The following MTUS2 variants were observed in gnomAD, a reference collection of about 807,000 sequenced individuals.
MTUS2 encodes the protein microtubule-associated tumor suppressor candidate 2.
Under a neutral mutation model 114.1 loss-of-function variants are expected in MTUS2, and 40 were observed. The ratio of observed to expected loss-of-function variants is 0.35; its 90% CI spans 0.27 to 0.46. The LOEUF (loss-of-function observed/expected upper bound fraction) is 0.46. MTUS2 is among the 20% of genes least tolerant of loss of function. MTUS2 has a pLI of 1.00. For missense variants in MTUS2, 1,679 were observed against 1,705.4 expected (o/e 0.98, Z 0.27); for synonymous variants, 688 against 672.0 (o/e 1.02, Z -0.37).
chr13:29,307,224 T>C (rs577880310), intron 6 of MTUS2: 40 of 584,320 alleles, frequency 6.8e-5, no homozygotes, highest in Non-Finnish European at 1.2e-4. Flanking sequence ...TCATCAGCAA[T>C]GCCTCCTGCA....
At chr13:29,176,393 G>A (rs944282839) in intron 5 of MTUS2, among the ~76,000 whole-genome samples, 1 of 152,080 alleles carries the variant, frequency 6.6e-6, no homozygotes, top group Non-Finnish European at 1.5e-5. Flanking sequence ...TTATTGTCCC[G>A]GCACTCCCTA....
chr13:29,362,158 A>G (rs1870310372), intron 8 of MTUS2, among the ~76,000 whole-genome samples: 3 of 152,312 alleles, frequency 2.0e-5, no homozygotes, highest in South Asian at 4.1e-4. Context: ...TAATGTGCAA[A>G]GATGCTTTAT....
chr13:29,177,125 C>T (rs888022547), intron 5 of MTUS2, among the ~76,000 whole-genome samples: 8 of 151,042 alleles, frequency 5.3e-5, no homozygotes, highest in Non-Finnish European at 1.0e-4. Flanking sequence ...TGGAGGAGGA[C>T]ATGAGAAGTT....
chr13:29,388,671 A>T (rs1317609867), intron 8 of MTUS2, among the ~76,000 whole-genome samples: 1 of 151,706 alleles, frequency 6.6e-6, no homozygotes, highest in African/African-American at 2.4e-5. Flanking sequence ...TTTTAAAAAT[A>T]AAATTAAAAT....
At chr13:28,953,860 GA>G in intron 2 of MTUS2, among the ~76,000 whole-genome samples, 1 of 152,170 alleles carries the variant, frequency 6.6e-6, no homozygotes, top group African/African-American at 2.4e-5. Context: ...GTTCCAAATA[GA>G]CAGCCAAAGG....
chr13:29,037,814 A>G (rs995385139), intron 4 of MTUS2, among the ~76,000 whole-genome samples: 4 of 152,102 alleles, frequency 2.6e-5, no homozygotes, highest in African/African-American at 9.7e-5. Flanking sequence ...AGCTATTGAT[A>G]CTTGTGTATT....
intron 5 of MTUS2, among the ~76,000 whole-genome samples, chr13:29,268,924 G>A (rs569434108): frequency 6.6e-6 from 1 of 152,050 alleles, no homozygotes; most frequent in South Asian, 2.1e-4. Context: ...TAGAGACAGG[G>A]TCTCCCTATG....
At chr13:29,133,262 A>C (rs1891841806) in intron 5 of MTUS2, among the ~76,000 whole-genome samples, 1 of 151,990 alleles carries the variant, frequency 6.6e-6, no homozygotes, top group African/African-American at 2.4e-5. Flanking sequence ...CTGGATATTA[A>C]TCCCTTATCA....
chr13:29,253,207 C>T (rs931627739), intron 5 of MTUS2, among the ~76,000 whole-genome samples: 1 of 151,894 alleles, frequency 6.6e-6, no homozygotes, highest in East Asian at 1.9e-4. Flanking sequence ...AGGCAAATCA[C>T]TTGAGATCAG....
At chr13:29,117,510 G>C (rs1891138395) in intron 5 of MTUS2, among the ~76,000 whole-genome samples, 1 of 152,068 alleles carries the variant, frequency 6.6e-6, no homozygotes, top group African/African-American at 2.4e-5. Flanking sequence ...CTAAAAACAC[G>C]ACCACAGTAA....
chr13:28,918,990 T>G (rs1880897357), intron 2 of MTUS2, among the ~76,000 whole-genome samples: 1 of 152,120 alleles, frequency 6.6e-6, no homozygotes, highest in Non-Finnish European at 1.5e-5. Flanking sequence ...TCCCTCCCAT[T>G]TTTAAACTTT....
intron 2 of MTUS2, among the ~76,000 whole-genome samples, chr13:28,848,361 T>G (rs2496122): frequency 0.81 from 123,956 of 152,136 alleles, 50,941 homozygotes; most frequent in African/African-American, 0.84. Flanking sequence ...TCATATGTAT[T>G]GGGGTCAGCC....
intron 7 of MTUS2, chr13:29,339,976 A>G (rs1278156501): frequency 6.6e-6 from 1 of 152,390 alleles, no homozygotes; most frequent in African/African-American, 2.4e-5. Flanking sequence ...GTTCTCTTAG[A>G]AATTCAGCTT....
chr13:29,211,338 G>C (rs529074953), intron 5 of MTUS2, among the ~76,000 whole-genome samples: 3 of 152,292 alleles, frequency 2.0e-5, no homozygotes, highest in Admixed American at 2.0e-4. Context: ...CCAACAGCAC[G>C]AGAGGGACAT....
chr13:28,935,006 GTTTTTTTTTTT>G (rs775863792), intron 2 of MTUS2, among the ~76,000 whole-genome samples: 14 of 41,448 alleles, frequency 3.4e-4, no homozygotes, highest in East Asian at 2.2e-3. Flanking sequence ...TCTCCATAGC[GTTTTTTTTTTT>G]TTTTTTTTTT....
At chr13:29,473,858 G>A (rs1053190139) in intron 9 of MTUS2, among the ~76,000 whole-genome samples, 24 of 71,992 alleles carry the variant, frequency 3.3e-4, no homozygotes, top group Admixed American at 1.4e-3. Flanking sequence ...ATGTTTTTAC[G>A]TGAGTAGAAA....
intron 4 of MTUS2, among the ~76,000 whole-genome samples, chr13:29,077,514 C>T (rs750729320): frequency 6.6e-6 from 1 of 152,094 alleles, no homozygotes; most frequent in Non-Finnish European, 1.5e-5. Flanking sequence ...CTGAATCATT[C>T]TGCTTGATGT....
At chr13:29,107,053 C>T (rs570831902) in intron 5 of MTUS2, among the ~76,000 whole-genome samples, 6 of 152,266 alleles carry the variant, frequency 3.9e-5, no homozygotes, top group Non-Finnish European at 5.9e-5. Flanking sequence ...ACACCTCCCC[C>T]GGCCTTCTAT....
chr13:28,987,461 A>G (rs1002762288), intron 2 of MTUS2, among the ~76,000 whole-genome samples: 7 of 151,972 alleles, frequency 4.6e-5, no homozygotes, highest in Non-Finnish European at 1.0e-4. Flanking sequence ...AGGGAGAGGA[A>G]GGAGATGGGG....
Sources: gnomAD v4.1 joint callset for allele counts (sites outside exome capture counted in the v4.1 genomes callset) on GRCh38, gnomAD v4.1.1 for gene constraint, MANE v1.5 for transcripts, NCBI Gene and HGNC (gene_info 2026-07-23, HGNC 2026-07-21) for gene names.